The following ATG2A variants were observed in gnomAD, a reference collection of about 807,000 sequenced individuals.
ATG2A encodes the protein autophagy-related protein 2 homolog A.
A neutral mutation model predicts 214.2 loss-of-function variants in ATG2A; 103 were observed. The observed-to-expected ratio is 0.48, with a 90% CI of 0.41 to 0.57. The LOEUF is 0.57. Ranked by LOEUF, ATG2A falls within the 20% of genes least tolerant of loss-of-function variation. The probability of loss-of-function intolerance (pLI) is 0.00; values close to 1 mark genes in which losing one functional copy is unlikely to be tolerated. For synonymous variants in ATG2A, 1,160 were observed against 1,142.1 expected, an observed-to-expected ratio of 1.02 and a Z score of -0.32; for missense variants, 2,312 against 2,613.2, an observed-to-expected ratio of 0.88 and a Z score of 2.51.
At chr11:64,912,459 C>T (rs766766003) in intron 6 of ATG2A, 36 bp from the exon 7 acceptor site, 62 of 1,511,440 alleles carry the variant, frequency 4.1e-5, no homozygotes, top group East Asian at 1.7e-4. Flanking sequence ...AGCCTAGGCC[C>T]ACCACCCAGC....
rs1209495775 is a variant in ATG2A at position 64,903,180 on chromosome 11, T to A, written c.3612+108A>T. 3.9e-6 allele frequency: 4 copies of A among 1,036,504 alleles called. No individual in the cohort carries two copies. The East Asian group carries it at 9.9e-5, about 26-fold the overall frequency. 64.2% of individuals were successfully genotyped at this position (1,036,504 alleles called of 1,614,324 possible). On this transcript the variant is annotated intron_variant, in intron 26 of 40. Transcript: ENST00000377264. This position sits in a 1 kb window ranked among gnomAD's most constrained non-coding sequence, Gnocchi z 4.2. The stretch of plus-strand genomic sequence containing the variant: ...AACTGCAGCCCAGGAAGGGCAGGCA[T>A]GAACTGTGTCCGGAGCCCAGGCACG...
In ATG2A at chr11:64,913,017, C is replaced by T; in HGVS notation, c.825+21G>A. ...CTTGAGATGGGGTACTCACCCCCTC[C>T]CCAGGGGCCTGGGGACCCACCTTGG... is the stretch of plus-strand genomic sequence containing the variant. On this transcript the variant is annotated intron_variant, in intron 6 of 40. Transcript: ENST00000377264. This position sits in a 1 kb window ranked among gnomAD's most constrained non-coding sequence, Gnocchi z 4.3. 1 of 1,518,292 alleles carries T rather than the reference C, an allele frequency of 6.6e-7. No homozygotes were observed. The highest frequency in any genetic ancestry group is 1.4e-5 in the African/African-American group (1 of 71,662). The allele number at this position is 1,518,292 out of a possible 1,614,324, so 94.1% of individuals were successfully genotyped here.
rs576355686 is a variant in ATG2A, at chr11:64,917,169, T to A, written c.-34A>T. ...CCGCCGGGCCTGGGCCGCCTCCGCT[T>A]GCCGCCCGCCGGCGATCCCCGTCCG... On this transcript the variant is annotated 5_prime_UTR_variant, in exon 1 of 41. Transcript: ENST00000377264. The A allele has an allele frequency of 1.0e-5, 16 of 1,560,982 alleles. No individual in the cohort carries two copies. The African/African-American group carries it at 2.1e-4, about 20-fold the overall frequency.
Position 64,913,377 on chromosome 11 carries a change from C to A in ATG2A, c.615G>T (p.Val205=). ...VQRLEYCDEA[V]RDPSQAPPVD... ...CCGGCGGCGCCTGGCTTGGGTCCCG[C>A]ACTGCCTCATCACAGTACTCCAGTC... The change falls in exon 5 of 41, where the codon GTG becomes GTT. Residue 205 remains valine, a synonymous_variant. Transcript: ENST00000377264. The surrounding 1 kb of genome is among the most constrained non-coding windows in gnomAD (Gnocchi z 4.3). The A allele has an allele frequency of 6.3e-7, 1 of 1,596,514 alleles. No individual in the cohort carries two copies.
rs748760380 is a variant in ATG2A, at chr11:64,900,891, C to T, written c.4321G>A (p.Gly1441Ser). The T allele has an allele frequency of 3.3e-5, 52 of 1,558,528 alleles. No individual in the cohort carries two copies. Among genetic ancestry groups the T allele is most frequent in the East Asian group, 2.9e-4 (12 of 41,356 alleles). ...GCACCCGCTCCTCCTCACCTGTGGC[C>T]GGGGTGGGGGCCAAAGTCTCGGCCC... ...YGGRDFGPHP[G>S]HRARTGLSGP... Residue 1441 changes from glycine to serine, a missense_variant, in exon 30 of 41, where the codon GGC (glycine) becomes AGC (serine). Transcript: ENST00000377264.
At position 64,897,456 on chromosome 11, in the gene ATG2A, G is replaced by C. The variant is rs1327453998; in HGVS notation, c.5106C>G (p.Leu1702=). The C allele has an allele frequency of 6.3e-7, 1 of 1,576,162 alleles. No individual in the cohort carries two copies. Among genetic ancestry groups the C allele is most frequent in the Non-Finnish European group, 8.6e-7 (1 of 1,160,748 alleles). ...GCTTTAGCTTCAGCTCGGAGCAGTT[G>C]AGTTGGGCCAGGCCGATGAGGAGGC... is the stretch of plus-strand genomic sequence containing the variant. ...FAGLLIGLAQ[L]NCSELKLKRL... is the part of the protein sequence containing the mutation. The change falls in exon 37 of 41, where the codon CTC becomes CTG. Residue 1702 remains leucine (L), a synonymous_variant. Transcript: ENST00000377264.
chr11:64,897,623 A>C (rs1944200997), intron 36 of ATG2A, 48 bp downstream of exon 36: 1 of 1,613,068 alleles, frequency 6.2e-7, no homozygotes, highest in African/African-American at 1.3e-5. Flanking sequence ...AGAGGGACTC[A>C]GCCACAGCTG....
Position 64,906,051 on chromosome 11 carries a change from G to A in ATG2A, c.3264+62C>T. ...CCGGCCTCCTCCCACCTAGAGACCT[G>A]CTTGCCCAAAACAGAAGTCCAGAGT... On this transcript the variant is annotated intron_variant, in intron 22 of 40. Transcript: ENST00000377264. 9 of 1,526,490 alleles carry A rather than the reference G, an allele frequency of 5.9e-6. No individual in the cohort carries two copies. In the South Asian group the frequency reaches 9.7e-5, roughly 16 times the overall value. The allele number at this position is 1,526,490 out of a possible 1,614,324, so 94.6% of individuals were successfully genotyped here. A position where few individuals can be genotyped will look rare whatever the true frequency, so the allele number is the denominator to read the frequency against.
chr11:64,905,915 C>T, intron 22 of ATG2A, 67 bp from the exon 23 acceptor site: 2 of 1,506,142 alleles, frequency 1.3e-6, no homozygotes, highest in Non-Finnish European at 1.8e-6. Context: ...TAACCCCTCC[C>T]TGTCCTGGCC....
chr11:64,897,513 CCAG>C lies in ATG2A; in HGVS notation c.5068-22_5068-20del, dbSNP rs749242873. The C allele has an allele frequency of 3.8e-6, 6 of 1,583,928 alleles. No homozygotes were observed. Among genetic ancestry groups the C allele is most frequent in the Non-Finnish European group, 4.3e-6 (5 of 1,164,966 alleles). ...AAGTGCCCTGGGAGAGGGAGGGGGT[CCAG>C]GTTTACCCAATGGGACTCAGGGAGC... On this transcript the variant is annotated intron_variant, in intron 36 of 40. Coordinates refer to ENST00000377264, the MANE Select transcript of ATG2A (RefSeq NM_015104.3).
intron 31 of ATG2A, among the ~76,000 whole-genome samples, chr11:64,899,612 C>T (rs1057219764): frequency 1.6e-4 from 25 of 152,138 alleles, no homozygotes; most frequent in Non-Finnish European, 7.4e-5. Context: ...AACCTTGAAC[C>T]CTCTGTACCA....
intron 13 of ATG2A, 32 bp downstream of exon 13, chr11:64,910,008 C>A (rs1944705132): frequency 1.3e-6 from 2 of 1,559,736 alleles, no homozygotes; most frequent in African/African-American, 1.3e-5. Context: ...CCTGCACCCA[C>A]CCCCGGCCTG....
rs773913867 is a variant in ATG2A at position 64,894,896 on chromosome 11, C to A, written c.*77G>T. ...CATCCCCTGAAGGGCCAGGCCGGGC[C>A]GGGCCCGTGGGCTGCAGCTCTTGGG... On this transcript the variant is annotated 3_prime_UTR_variant, in exon 41 of 41. Transcript: ENST00000377264. The A allele has an allele frequency of 6.4e-6, 10 of 1,553,616 alleles. No homozygotes were observed. The African/African-American group carries it at 9.5e-5, about 15-fold the overall frequency.
chr11:64,902,678 G>C lies in ATG2A; in HGVS notation c.3615C>G (p.Ser1205Arg). The change falls in exon 27 of 41, where the codon AGC becomes AGG. Residue 1205 changes from serine to arginine, a missense_variant and splice_region_variant. Coordinates refer to ENST00000377264, the MANE Select transcript of ATG2A (RefSeq NM_015104.3). ...TWKGSTEGKL[S>R]QPLFELRCSN... Reference sequence around the variant, plus strand: ...AGCAGCGCAGCTCGAATAGTGGCTGGCTCTGCAGGGGCGGGGTGGGGGGAG... The same window carrying C: ...AGCAGCGCAGCTCGAATAGTGGCTGCCTCTGCAGGGGCGGGGTGGGGGGAG... The C allele has an allele frequency of 6.2e-7, 1 of 1,608,374 alleles. No homozygotes were observed. The highest frequency in any genetic ancestry group is 8.5e-7 in the Non-Finnish European group (1 of 1,178,090).
At position 64,898,936 on chromosome 11, in the gene ATG2A, CAG is replaced by C. The variant is rs1404149262; in HGVS notation, c.4465-96_4465-95del. The C allele has an allele frequency of 3.3e-5, 41 of 1,225,166 alleles. No individual in the cohort carries two copies. The highest frequency in any genetic ancestry group is 8.0e-5 in the South Asian group (6 of 74,556). 75.9% of individuals were successfully genotyped at this position (1,225,166 alleles called of 1,614,324 possible). Reference sequence around the variant, plus strand: ...CCCCTTCTCTATTCTTTTTTTGAGACAGAGTCTCACTCTGTCGCCCAGGTTGG... The same window carrying C: ...CCCCTTCTCTATTCTTTTTTTGAGACAGTCTCACTCTGTCGCCCAGGTTGG... On this transcript the variant is annotated intron_variant, in intron 31 of 40. Coordinates refer to ENST00000377264, the MANE Select transcript of ATG2A (RefSeq NM_015104.3). This position sits in a 1 kb window ranked among gnomAD's most constrained non-coding sequence, Gnocchi z 4.5.
At position 64,895,388 on chromosome 11, in the gene ATG2A, A is replaced by C. The variant is rs751480306; in HGVS notation, c.5482T>G (p.Ser1828Ala). 6.2e-7 allele frequency: 1 copy of C among 1,610,912 alleles called. No homozygotes were observed. The highest frequency in any genetic ancestry group is 8.5e-7 in the Non-Finnish European group (1 of 1,178,394). ...CGCGCAGAGCGCTTATCCTGCAGGG[A>C]GCGGGAGACGGGGGCTGCCGGGGAC... ...ILSPAAPVSRSLQDKRSARRL... is the reference protein window; with the variant it reads ...ILSPAAPVSRALQDKRSARRL... The change falls in exon 40 of 41, where the codon TCC becomes GCC. Residue 1828 changes from serine to alanine, a missense_variant. Ser to Ala is a moderately conservative substitution (Grantham distance 99). Transcript: ENST00000377264. This position sits in a 1 kb window ranked among gnomAD's most constrained non-coding sequence, Gnocchi z 5.0.
rs762241346 is a variant in ATG2A, at chr11:64,903,414, C to T, written c.3536-50G>A. Reference sequence around the variant, plus strand: ...CCTGTGGCCCCCTTCCACCCGGCCCCGGCCCCAGCACCTGGGGGAAGGATC... The same window carrying T: ...CCTGTGGCCCCCTTCCACCCGGCCCTGGCCCCAGCACCTGGGGGAAGGATC... On this transcript the variant is annotated intron_variant, in intron 25 of 40. Coordinates refer to ENST00000377264, the MANE Select transcript of ATG2A (RefSeq NM_015104.3). This position sits in a 1 kb window ranked among gnomAD's most constrained non-coding sequence, Gnocchi z 4.2. 15 of 1,596,158 alleles carry T rather than the reference C, an allele frequency of 9.4e-6. No homozygotes were observed. The highest frequency in any genetic ancestry group is 1.3e-5 in the African/African-American group (1 of 74,574).
At chr11:64,897,253 G>T in intron 37 of ATG2A, 159 bp downstream of exon 37, 1 of 810,984 alleles carries the variant, frequency 1.2e-6, no homozygotes. Flanking sequence ...ATGCCTGAAT[G>T]TGTGAGCCAT....
At chr11:64,909,574 G>A in intron 14 of ATG2A, 107 bp downstream of exon 14, 2 of 1,537,038 alleles carry the variant, frequency 1.3e-6, no homozygotes, top group Non-Finnish European at 1.8e-6. Context: ...TAAAGGCCTG[G>A]GCCAGGGACT....
Sources: gnomAD v4.1 joint callset for allele counts (sites outside exome capture counted in the v4.1 genomes callset) on GRCh38, gnomAD v4.1.1 for gene constraint, Gnocchi (gnomAD v3.1) non-coding constraint, MANE v1.5 for transcripts, NCBI Gene and HGNC (gene_info 2026-07-23, HGNC 2026-07-21) for gene names.